Variants in P3H2 observed in about 807,000 individuals in gnomAD.
P3H2 encodes the protein leprecan-like 1.
A neutral mutation model predicts 87.0 loss-of-function variants in P3H2; 80 were observed. The observed-to-expected ratio is 0.92, with a 90% CI of 0.77 to 1.11. P3H2 has a LOEUF of 1.11. Among genes scored for constraint, P3H2 ranks in the 50% least tolerant of loss-of-function variants. The pLI is 0.00. For synonymous variants in P3H2, 367 were observed against 359.3 expected (o/e 1.02, Z -0.24); for missense variants, 1,001 against 923.9 (o/e 1.08, Z -1.08).
intron 1 of P3H2, among the ~76,000 whole-genome samples, chr3:190,047,842 G>A (rs1043742662): frequency 1.3e-5 from 2 of 152,044 alleles, no homozygotes; most frequent in South Asian, 2.1e-4. Flanking sequence ...TTAGATAGAA[G>A]GAATAAGTTA....
At chr3:190,067,851 G>A (rs538832687) in intron 1 of P3H2, among the ~76,000 whole-genome samples, 1 of 152,112 alleles carries the variant, frequency 6.6e-6, no homozygotes, top group Non-Finnish European at 1.5e-5. Context: ...CATAATACAT[G>A]CAAGTACAAG....
intron 1 of P3H2, among the ~76,000 whole-genome samples, chr3:190,032,143 C>T (rs73184369): frequency 0.045 from 6,898 of 152,230 alleles, 228 homozygotes; most frequent in Non-Finnish European, 0.066. Context: ...CCTTCCATAT[C>T]CTATTCTGAA....
intron 1 of P3H2, among the ~76,000 whole-genome samples, chr3:190,058,993 A>T (rs1726253710): frequency 6.6e-6 from 1 of 152,146 alleles, no homozygotes; most frequent in Non-Finnish European, 1.5e-5. Context: ...AACATTGTAC[A>T]TTCAGTTGTT....
intron 6 of P3H2, among the ~76,000 whole-genome samples, chr3:189,984,814 G>A (rs985710464): frequency 1.3e-5 from 2 of 152,098 alleles, no homozygotes; most frequent in African/African-American, 4.8e-5. Context: ...TACAAGTCGA[G>A]TTTTCAAATA....
chr3:190,024,530 C>CA (rs71635314), intron 1 of P3H2, among the ~76,000 whole-genome samples: 1,586 of 52,256 alleles, frequency 0.03, 72 homozygotes, highest in African/African-American at 0.042. Context: ...GGTTCCCTCT[C>CA]AAAAAAAAAA....
intron 14 of P3H2, among the ~76,000 whole-genome samples, chr3:189,960,242 A>G (rs1401878962): frequency 6.6e-6 from 1 of 152,032 alleles, no homozygotes; most frequent in Non-Finnish European, 1.5e-5. Flanking sequence ...TTCACTCCAG[A>G]ATCAGTTGTC....
At chr3:189,990,274 G>A (rs1723838121) in intron 3 of P3H2, among the ~76,000 whole-genome samples, 1 of 152,134 alleles carries the variant, frequency 6.6e-6, no homozygotes, top group Admixed American at 6.5e-5. Context: ...CAGGGGATGT[G>A]AAGGAAGAAT....
intron 13 of P3H2, among the ~76,000 whole-genome samples, chr3:189,967,759 G>T (rs1243875743): frequency 6.6e-6 from 1 of 152,040 alleles, no homozygotes; most frequent in Non-Finnish European, 1.5e-5. Flanking sequence ...ATTGTATGAA[G>T]TCACATGAAA....
rs547174901 is a variant in P3H2, at chr3:190,011,152, G to A, written c.481-15710C>T. On this transcript the variant is annotated intron_variant, in intron 1 of 14. Coordinates refer to ENST00000319332, the MANE Select transcript of P3H2 (RefSeq NM_018192.4). The stretch of plus-strand genomic sequence containing the variant: ...TAACTGGGCATGGTGGCACGCACCT[G>A]TAGTCCCAGCTACTCAGGAGGCTGA... Among the ~76,000 whole-genome samples, 430 of 152,060 alleles carry A rather than the reference G, an allele frequency of 2.8e-3. 1 individual carries two copies. Among genetic ancestry groups the A allele is most frequent in the African/African-American group, 9.6e-3 (399 of 41,510 alleles).
In P3H2 at chr3:189,957,700, AAGAGAGAG is replaced by A. The variant is rs3062112; in HGVS notation, c.*204_*211del. 1.7e-3 allele frequency: 909 copies of A among 543,352 alleles called. 4 individuals carry two copies. Among genetic ancestry groups the A allele is most frequent in the African/African-American group, 0.015 (791 of 51,356 alleles). 33.7% of individuals were successfully genotyped at this position (543,352 alleles called of 1,614,324 possible). A position where few individuals can be genotyped will look rare whatever the true frequency, so the allele number is the denominator to read the frequency against. On this transcript the variant is annotated 3_prime_UTR_variant, in exon 15 of 15. Coordinates refer to ENST00000319332, the MANE Select transcript of P3H2 (RefSeq NM_018192.4). Reference sequence around the variant, plus strand: ...AACATGGTTAGACCATGTCTCTAAGAAGAGAGAGAGAGAGAGAGAGAGAGAAAACAACC... The same window carrying A: ...AACATGGTTAGACCATGTCTCTAAGAAGAGAGAGAGAGAGAGAAAACAACC...
At chr3:189,989,785 C>G (rs1723822731) in intron 3 of P3H2, among the ~76,000 whole-genome samples, 1 of 152,078 alleles carries the variant, frequency 6.6e-6, no homozygotes, top group African/African-American at 2.4e-5. Flanking sequence ...CTATTGCTCC[C>G]ATTCTTCTTG....
chr3:190,017,097 G>A (rs1170839931), intron 1 of P3H2, among the ~76,000 whole-genome samples: 2 of 152,102 alleles, frequency 1.3e-5, no homozygotes, highest in Non-Finnish European at 2.9e-5. Context: ...TCTCTATTAT[G>A]GGAGCTGCTG....
intron 1 of P3H2, among the ~76,000 whole-genome samples, chr3:190,089,858 T>G (rs78017825): frequency 0.038 from 5,752 of 152,030 alleles, 156 homozygotes; most frequent in Non-Finnish European, 0.058. Flanking sequence ...GCAATTGGGG[T>G]TTTTGATCCC....
At chr3:190,086,571 G>GT (rs1383840732) in intron 1 of P3H2, among the ~76,000 whole-genome samples, 1 of 152,196 alleles carries the variant, frequency 6.6e-6, no homozygotes, top group African/African-American at 2.4e-5. Flanking sequence ...GTGAGGTTCT[G>GT]TGTTAGAGTT....
chr3:189,972,146 G>A (rs562579250), intron 11 of P3H2, 139 bp from the exon 12 acceptor site: 2 of 705,398 alleles, frequency 2.8e-6, no homozygotes, highest in South Asian at 3.0e-5. Context: ...ACAGATAAAA[G>A]AACAGTGGAC....
At chr3:190,014,504 G>C (rs1489105680) in intron 1 of P3H2, among the ~76,000 whole-genome samples, 2 of 152,178 alleles carry the variant, frequency 1.3e-5, no homozygotes, top group African/African-American at 2.4e-5. Flanking sequence ...AGGCTGCCTA[G>C]AAAGTGCAGG....
At chr3:189,994,664 GTT>G (rs11320488) in intron 2 of P3H2, among the ~76,000 whole-genome samples, 42,137 of 143,350 alleles carry the variant, frequency 0.29, 6,437 homozygotes, top group East Asian at 0.49. Flanking sequence ...TGTGTTTTTT[GTT>G]TTTTTTTTTT....
At chr3:190,052,523 G>A (rs564543619) in intron 1 of P3H2, among the ~76,000 whole-genome samples, 43 of 152,192 alleles carry the variant, frequency 2.8e-4, no homozygotes, top group Admixed American at 1.3e-4. Context: ...CACATTGATT[G>A]AGATCTTTCT....
intron 1 of P3H2, among the ~76,000 whole-genome samples, chr3:190,024,035 T>C (rs116615436): frequency 0.023 from 3,441 of 152,240 alleles, 126 homozygotes; most frequent in African/African-American, 0.077. Context: ...TTAGAGGATA[T>C]ACTATAATAT....
Sources: allele counts gnomAD v4.1 joint callset (sites outside exome capture counted in the v4.1 genomes callset), GRCh38; gene constraint gnomAD v4.1.1; transcripts MANE v1.5; gene names NCBI Gene and HGNC (gene_info 2026-07-23, HGNC 2026-07-21).